FIGLA: variants seen among roughly 807,000 people sequenced by gnomAD.
FIGLA encodes the protein folliculogenesis specific bHLH transcription factor, also known as factor in the germline alpha.
In FIGLA, 17 loss-of-function variants were observed where a neutral mutation model predicts 21.5. The ratio of observed to expected loss-of-function variants is 0.79; its 90% CI spans 0.54 to 1.19. The LOEUF is 1.19. Among genes scored for constraint, FIGLA ranks in the 50% most tolerant of loss-of-function variants. The pLI is 0.00. For synonymous variants in FIGLA, 129 were observed against 117.6 expected, an observed-to-expected ratio of 1.10 and a Z score of -0.63; for missense variants, 282 against 285.0, an observed-to-expected ratio of 0.99 and a Z score of 0.08.
chr2:70,782,507 G>T, intron 3 of FIGLA, among the ~76,000 whole-genome samples: 1 of 152,178 alleles, frequency 6.6e-6, no homozygotes, highest in Middle Eastern at 3.2e-3. Flanking sequence ...GGGTCTTTTT[G>T]CTAGAAGAGA....
At chr2:70,790,021 C>G (rs1484098996) in intron 1 of FIGLA, among the ~76,000 whole-genome samples, 1 of 152,174 alleles carries the variant, frequency 6.6e-6, no homozygotes, top group Non-Finnish European at 1.5e-5. Context: ...GGGATCCCTG[C>G]GCGTCCCAAG....
At chr2:70,780,982 T>A (rs1327624240) in intron 3 of FIGLA, among the ~76,000 whole-genome samples, 1 of 152,084 alleles carries the variant, frequency 6.6e-6, no homozygotes, top group African/African-American at 2.4e-5. Context: ...AGTGGAGGCC[T>A]GGCCTGGGGA....
chr2:70,778,831 G>A (rs1279604557), intron 3 of FIGLA, among the ~76,000 whole-genome samples: 2 of 152,130 alleles, frequency 1.3e-5, no homozygotes, highest in African/African-American at 4.8e-5. Context: ...TCTTTAAGAA[G>A]GCAGGCACAC....
intron 3 of FIGLA, among the ~76,000 whole-genome samples, chr2:70,778,971 GTCC>G (rs1553388735): frequency 2.0e-5 from 3 of 152,276 alleles, no homozygotes; most frequent in African/African-American, 7.2e-5. Context: ...TTAGAGTTCA[GTCC>G]CTGTTCCTAT....
intron 2 of FIGLA, among the ~76,000 whole-genome samples, chr2:70,786,712 C>A (rs1418792989): frequency 1.3e-5 from 2 of 152,154 alleles, no homozygotes; most frequent in Non-Finnish European, 2.9e-5. Flanking sequence ...TGATGCCCAG[C>A]CCAATTCTCT....
intron 2 of FIGLA, among the ~76,000 whole-genome samples, chr2:70,786,244 GGCAGGGGGT>G (rs1675953303): frequency 1.4e-5 from 1 of 71,674 alleles, no homozygotes; most frequent in Non-Finnish European, 3.0e-5. Flanking sequence ...TTTTTTTTTT[GGCAGGGGGT>G]GCAGGGAGTG....
intron 1 of FIGLA, among the ~76,000 whole-genome samples, chr2:70,788,994 C>T (rs1553390452): frequency 6.6e-6 from 1 of 152,146 alleles, no homozygotes; most frequent in Non-Finnish European, 1.5e-5. Flanking sequence ...AAACAGCAAA[C>T]ATGCCTAACA....
At chr2:70,785,058 C>G (rs1358066755) in intron 3 of FIGLA, among the ~76,000 whole-genome samples, 2 of 151,496 alleles carry the variant, frequency 1.3e-5, no homozygotes, top group African/African-American at 4.9e-5. Flanking sequence ...TAAATAGGAT[C>G]ATTTAAAAGA....
chr2:70,777,903 G>A lies in FIGLA; in HGVS notation c.610-232C>T, dbSNP rs560244600. On this transcript the variant is annotated intron_variant, in intron 3 of 4. Coordinates refer to ENST00000332372, the MANE Select transcript of FIGLA (RefSeq NM_001004311.3). ...GAAAAGAAATGGGAAGGATTTTAGT[G>A]TATTTCCATCAGTGGTTTTACTAAC... Among the ~76,000 whole-genome samples, 18 of 152,314 alleles carry A rather than the reference G, an allele frequency of 1.2e-4. No individual in the cohort carries two copies. In the South Asian group the frequency reaches 3.7e-3, roughly 32 times the overall value.
intron 3 of FIGLA, among the ~76,000 whole-genome samples, chr2:70,779,037 G>A (rs1675810315): frequency 6.6e-6 from 1 of 152,098 alleles, no homozygotes; most frequent in Non-Finnish European, 1.5e-5. Flanking sequence ...CACAAGCATA[G>A]GCACCATCAC....
intron 3 of FIGLA, among the ~76,000 whole-genome samples, chr2:70,784,075 G>A (rs914317787): frequency 1.3e-5 from 2 of 151,472 alleles, no homozygotes; most frequent in Non-Finnish European, 2.9e-5. Flanking sequence ...GGGTTGACTG[G>A]CCAGCGAAAT....
At chr2:70,780,718 C>A (rs34910168) in intron 3 of FIGLA, among the ~76,000 whole-genome samples, 1 of 152,044 alleles carries the variant, frequency 6.6e-6, no homozygotes, top group Non-Finnish European at 1.5e-5. Flanking sequence ...AAAGAAAATG[C>A]GAGTTCTTCT....
At chr2:70,778,801 A>G (rs1553388703) in intron 3 of FIGLA, among the ~76,000 whole-genome samples, 1 of 152,178 alleles carries the variant, frequency 6.6e-6, no homozygotes, top group East Asian at 1.9e-4. Context: ...GAGAATAGAA[A>G]CCCAGTTTGC....
At chr2:70,784,393 A>G (rs1675909023) in intron 3 of FIGLA, among the ~76,000 whole-genome samples, 1 of 152,240 alleles carries the variant, frequency 6.6e-6, no homozygotes, top group African/African-American at 2.4e-5. Flanking sequence ...TATCCAAGTG[A>G]CGTGACAGGT....
chr2:70,785,172 A>G (rs1373981578), intron 3 of FIGLA, among the ~76,000 whole-genome samples: 2 of 152,096 alleles, frequency 1.3e-5, no homozygotes, highest in African/African-American at 4.8e-5. Flanking sequence ...GTTTCATTTA[A>G]AAGATAAGCT....
At chr2:70,780,067 C>G (rs1204151605) in intron 3 of FIGLA, among the ~76,000 whole-genome samples, 1 of 152,194 alleles carries the variant, frequency 6.6e-6, no homozygotes, top group African/African-American at 2.4e-5. Context: ...TCACGGCCCT[C>G]TCTGTCTGCA....
chr2:70,779,850 A>G lies in FIGLA; in HGVS notation c.610-2179T>C, dbSNP rs78562451. Among the ~76,000 whole-genome samples the G allele has an allele frequency of 5.4e-4, 83 of 152,298 alleles. No homozygotes were observed. In the East Asian group the frequency reaches 0.01, roughly 18 times the overall value. On this transcript the variant is annotated intron_variant, in intron 3 of 4. Coordinates refer to ENST00000332372, the MANE Select transcript of FIGLA (RefSeq NM_001004311.3). ...CTCTGAACAAAATTTAGAGCCATGC[A>G]TAATATGAAATGCCAGAACCATAAC...
intron 3 of FIGLA, among the ~76,000 whole-genome samples, chr2:70,779,791 T>C (rs1454991920): frequency 6.6e-6 from 1 of 152,156 alleles, no homozygotes; most frequent in African/African-American, 2.4e-5. Context: ...GTGGTCTTTG[T>C]CTAGAGACAT....
At chr2:70,785,697 TAAAC>T (rs1663701060) in intron 2 of FIGLA, 58 bp from the exon 3 acceptor site, 8 of 1,301,846 alleles carry the variant, frequency 6.1e-6, no homozygotes, top group Non-Finnish European at 7.7e-6. Flanking sequence ...TTTGATGACT[TAAAC>T]TAATATATTT....
Sources: allele counts gnomAD v4.1 joint callset (sites outside exome capture counted in the v4.1 genomes callset), GRCh38; gene constraint gnomAD v4.1.1; transcripts MANE v1.5; gene names NCBI Gene and HGNC (gene_info 2026-07-23, HGNC 2026-07-21).